Variants in ANKRD31 observed in about 807,000 individuals in gnomAD.
The protein encoded by ANKRD31 is ankyrin repeat domain 31, also known as ankyrin repeat domain-containing protein 31.
In ANKRD31, 147 loss-of-function variants were observed where a neutral mutation model predicts 186.0. The ratio of observed to expected loss-of-function variants is 0.79; its 90% CI spans 0.69 to 0.91. The LOEUF (loss-of-function observed/expected upper bound fraction) is 0.91. ANKRD31 is among the 40% of genes least tolerant of loss of function. The pLI is 0.00. For missense variants in ANKRD31, 1,986 were observed against 2,148.8 expected, an observed-to-expected ratio of 0.92 and a Z score of 1.50; for synonymous variants, 673 against 736.4, an observed-to-expected ratio of 0.91 and a Z score of 1.39.
At chr5:75,181,197 C>A (rs1467803429) in intron 10 of ANKRD31, among the ~76,000 whole-genome samples, 1 of 151,976 alleles carries the variant, frequency 6.6e-6, no homozygotes, top group Non-Finnish European at 1.5e-5. Context: ...GCCATCTCAC[C>A]CCAGTTAGAA....
chr5:75,196,728 A>G (rs946027586), intron 6 of ANKRD31, among the ~76,000 whole-genome samples: 3 of 152,208 alleles, frequency 2.0e-5, no homozygotes, highest in African/African-American at 7.2e-5. Context: ...ATGAGGGTAC[A>G]GTTATGTATA....
rs1580455420 is a variant in ANKRD31 at position 75,160,804 on chromosome 5, C to T, written c.1708-6459G>A. ...GCGGTTTCTCTATGAACAGTGTTCT[C>T]ATGGTAATGAATAAGTCTCATGATA... On this transcript the variant is annotated intron_variant, in intron 11 of 25. Coordinates refer to ENST00000506364, the MANE Select transcript of ANKRD31 (RefSeq NM_001372053.1). Among the ~76,000 whole-genome samples the T allele has an allele frequency of 2.0e-5, 3 of 152,212 alleles. No homozygotes were observed. In the East Asian group the frequency reaches 5.8e-4, roughly 29 times the overall value.
intron 10 of ANKRD31, among the ~76,000 whole-genome samples, chr5:75,179,679 A>G (rs1292958472): frequency 6.6e-6 from 1 of 152,222 alleles, no homozygotes; most frequent in Non-Finnish European, 1.5e-5. Flanking sequence ...ACAAAATTCA[A>G]CAACCCTTCA....
intron 8 of ANKRD31, 58 bp downstream of exon 8, chr5:75,193,253 T>C (rs765284699): frequency 6.8e-6 from 10 of 1,479,308 alleles, no homozygotes; most frequent in Non-Finnish European, 9.0e-6. Context: ...CCCAAGCATA[T>C]AATTATCTAT....
Position 75,207,876 on chromosome 5 carries a change from T to C in ANKRD31, c.327-1389A>G, listed in dbSNP as rs181953530. 8.0e-4 allele frequency among the ~76,000 whole-genome samples: 122 copies of C among 152,134 alleles called. 1 individual carries two copies. Among genetic ancestry groups the C allele is most frequent in the Non-Finnish European group, 1.4e-3 (94 of 67,938 alleles). On this transcript the variant is annotated intron_variant, in intron 4 of 25. Coordinates refer to ENST00000506364, the MANE Select transcript of ANKRD31 (RefSeq NM_001372053.1). ...GGGCAAAAGGGTTATTTTACAACAA[T>C]AGAAGTTTTCAAACTTTTTGATCTT...
intron 9 of ANKRD31, among the ~76,000 whole-genome samples, chr5:75,191,260 A>C (rs1009811367): frequency 2.6e-5 from 4 of 152,108 alleles, no homozygotes; most frequent in African/African-American, 4.8e-5. Flanking sequence ...TTTTCACCAC[A>C]ATTTGAGATG....
chr5:75,087,512 G>GA (rs56339380), intron 23 of ANKRD31, among the ~76,000 whole-genome samples: 51 of 133,030 alleles, frequency 3.8e-4, no homozygotes, highest in Admixed American at 5.2e-4. Context: ...GGCTCAAAAA[G>GA]AAAAAAAAAA....
chr5:75,124,603 G>GCACA (rs1221687419), intron 17 of ANKRD31, among the ~76,000 whole-genome samples: 1 of 151,760 alleles, frequency 6.6e-6, no homozygotes, highest in Non-Finnish European at 1.5e-5. Context: ...ACACGTGCAT[G>GCACA]CACACACACA....
intron 13 of ANKRD31, among the ~76,000 whole-genome samples, chr5:75,148,162 T>A (rs938623866): frequency 7.2e-5 from 11 of 151,780 alleles, no homozygotes; most frequent in Admixed American, 6.6e-4. Context: ...ATGAAAAAAT[T>A]ATTATGGGCT....
intron 1 of ANKRD31, among the ~76,000 whole-genome samples, chr5:75,232,521 TG>T (rs1758010246): frequency 6.6e-6 from 1 of 151,980 alleles, no homozygotes; most frequent in East Asian, 1.9e-4. Context: ...CCCTAAATGC[TG>T]GGATTACAGC....
chr5:75,087,173 A>G (rs1745555663), intron 23 of ANKRD31, among the ~76,000 whole-genome samples: 1 of 152,158 alleles, frequency 6.6e-6, no homozygotes, highest in Non-Finnish European at 1.5e-5. Context: ...CCCATTTTTC[A>G]TATATCTTCA....
intron 23 of ANKRD31, among the ~76,000 whole-genome samples, chr5:75,088,698 T>C (rs1276328788): frequency 6.6e-6 from 1 of 152,216 alleles, no homozygotes; most frequent in Non-Finnish European, 1.5e-5. Flanking sequence ...GAAGATCAGG[T>C]TCTAGTCCTG....
In ANKRD31 at chr5:75,091,349, CT is replaced by C. The variant is rs1185723510; in HGVS notation, c.5383del (p.Ser1795ValfsTer22). The C allele has an allele frequency of 2.0e-6, 3 of 1,536,954 alleles. No individual in the cohort carries two copies. The African/African-American group carries it at 4.1e-5, about 21-fold the overall frequency. On this transcript the variant is annotated frameshift_variant, in exon 23 of 26. Transcript: ENST00000506364. LOFTEE classifies it high-confidence loss of function. The stretch of plus-strand genomic sequence containing the variant: ...GACTGGGTTTTTATAAATCTGACCA[CT>C]TTCTACCTTAAGTTTACCATTCAAT... ...ILLNGKLKVE[S>X]GQIYKNPVTW...
At chr5:75,157,216 A>G (rs996800385) in intron 11 of ANKRD31, among the ~76,000 whole-genome samples, 1 of 152,194 alleles carries the variant, frequency 6.6e-6, no homozygotes, top group African/African-American at 2.4e-5. Flanking sequence ...AGGGCTCAGA[A>G]GGAAATATAG....
intron 17 of ANKRD31, among the ~76,000 whole-genome samples, chr5:75,126,774 A>T (rs1447832477): frequency 6.6e-6 from 1 of 152,226 alleles, no homozygotes; most frequent in Non-Finnish European, 1.5e-5. Context: ...ATCCAGACAC[A>T]GGAAGCTCAG....
In ANKRD31 at chr5:75,196,136, G is replaced by A. The variant is rs538537425; in HGVS notation, c.512C>T (p.Ser171Phe). The A allele has an allele frequency of 1.8e-5, 28 of 1,531,862 alleles. No individual in the cohort carries two copies. The African/African-American group carries it at 2.7e-4, about 15-fold the overall frequency. The allele number at this position is 1,531,862 out of a possible 1,614,324, so 94.9% of individuals were successfully genotyped here. A position where few individuals can be genotyped will look rare whatever the true frequency, so the allele number is the denominator to read the frequency against. The change falls in exon 7 of 26, where the codon TCT becomes TTT. Residue 171 changes from serine (S) to phenylalanine (F), a missense_variant. By Grantham distance (155) the Ser-to-Phe change is radical (BLOSUM62 -2). Coordinates refer to ENST00000506364, the MANE Select transcript of ANKRD31 (RefSeq NM_001372053.1). ...SLLSGTAITVSDTVAVKETSL... is the reference protein window; with the variant it reads ...SLLSGTAITVFDTVAVKETSL... ...TGTCTCCTTTACAGCAACTGTATCA[G>A]ATACTGTAATAGCAGTGCCTGAGAG...
chr5:75,097,121 C>T (rs1170115493), intron 22 of ANKRD31, among the ~76,000 whole-genome samples: 1 of 152,160 alleles, frequency 6.6e-6, no homozygotes, highest in East Asian at 1.9e-4. Context: ...AATAAACATA[C>T]ATATGCATGT....
chr5:75,182,980 C>T (rs746924240), intron 10 of ANKRD31, among the ~76,000 whole-genome samples: 2 of 151,990 alleles, frequency 1.3e-5, no homozygotes, highest in Non-Finnish European at 2.9e-5. Context: ...TCCCCAATAC[C>T]CCTGATGAAC....
chr5:75,217,466 T>A (rs1757028992), intron 3 of ANKRD31, among the ~76,000 whole-genome samples: 1 of 152,200 alleles, frequency 6.6e-6, no homozygotes, highest in Non-Finnish European at 1.5e-5. Flanking sequence ...CCCTTTACCA[T>A]TAAGTAATGC....
Sources: gnomAD v4.1 joint callset for allele counts (sites outside exome capture counted in the v4.1 genomes callset) on GRCh38, gnomAD v4.1.1 for gene constraint, MANE v1.5 for transcripts, NCBI Gene and HGNC (gene_info 2026-07-23, HGNC 2026-07-21) for gene names.